MAP2K1: variants seen among roughly 807,000 people sequenced by gnomAD.
MAP2K1 encodes the protein mitogen-activated protein kinase kinase 1.
MAP2K1 carries 16 observed loss-of-function variants against 46.3 expected under a neutral mutation model. The ratio of observed to expected loss-of-function variants is 0.35; its 90% CI spans 0.23 to 0.52. MAP2K1 has a LOEUF of 0.52. Among genes scored for constraint, MAP2K1 ranks in the 20% least tolerant of loss-of-function variants. The pLI, the probability that MAP2K1 is intolerant of heterozygous loss-of-function variation, is 0.94. For synonymous variants in MAP2K1, 183 were observed against 185.6 expected (o/e 0.99, Z 0.11); for missense variants, 263 against 497.1 (o/e 0.53, Z 4.48).
At chr15:66,448,317 T>A (rs899354913) in intron 5 of MAP2K1, among the ~76,000 whole-genome samples, 31 of 152,322 alleles carry the variant, frequency 2.0e-4, no homozygotes, top group Non-Finnish European at 1.8e-4. Flanking sequence ...GTTAGAATAA[T>A]GTCTTCAAGG....
chr15:66,489,690 G>A lies in MAP2K1; in HGVS notation c.1023-28G>A, dbSNP rs773882362. On this transcript the variant is annotated intron_variant, in intron 9 of 10. Transcript: ENST00000307102. Reference sequence around the variant, plus strand: ...GAGCTAGAACCAGTGCCAGGCAACAGCTCTTACCTTGTCTTTCTTCCTTTA... The same window carrying A: ...GAGCTAGAACCAGTGCCAGGCAACAACTCTTACCTTGTCTTTCTTCCTTTA... The A allele has an allele frequency of 3.8e-6, 6 of 1,597,668 alleles. No individual in the cohort carries two copies. In the South Asian group the frequency reaches 5.5e-5, roughly 15 times the overall value.
rs57043037 is a variant in MAP2K1 at position 66,396,995 on chromosome 15, C to CTTTTT, written c.80+9591_80+9595dup. Among the ~76,000 whole-genome samples, 75 of 39,276 alleles carry CTTTTT rather than the reference C, an allele frequency of 1.9e-3. 6 individuals are homozygous for CTTTTT. The highest frequency in any genetic ancestry group is 7.2e-3 in the African/African-American group (72 of 9,996). The allele number at this position is 39,276 out of a possible 152,430, so 25.8% of individuals were successfully genotyped here. ...CTACCATGCCTGGCCTGTAACGCTT[C>CTTTTT]TTTTTTTTTTTTTTTTTTTTTTTTT... On this transcript the variant is annotated intron_variant, in intron 1 of 10. Transcript: ENST00000307102.
chr15:66,489,734 G>A lies in MAP2K1; in HGVS notation c.1039G>A (p.Ala347Thr), dbSNP rs746354996. The change falls in exon 10 of 11, where the codon GCA becomes ACA. Residue 347 changes from alanine to threonine, a missense_variant. Physicochemically the swap from Ala to Thr is moderately conservative, Grantham distance 58. Coordinates refer to ENST00000307102, the MANE Select transcript of MAP2K1 (RefSeq NM_002755.4). ...FVNKCLIKNP[A>T]ERADLKQLMV... ...TCCTTTAAGCTTAATAAAAAACCCC[G>A]CAGAGAGAGCAGATTTGAAGCAACT... is the stretch of plus-strand genomic sequence containing the variant. 24 of 1,613,688 alleles carry A rather than the reference G, an allele frequency of 1.5e-5. No homozygotes were observed. The highest frequency in any genetic ancestry group is 2.2e-5 in the East Asian group (1 of 44,906).
In MAP2K1 at chr15:66,435,536, C is replaced by G. The variant is rs185127007; in HGVS notation, c.291+299C>G. ...AGAGACAGGGTTTCTCCATGTTGGT[C>G]AAGCTGATCTCGAACTCCTGACCTC... On this transcript the variant is annotated intron_variant, in intron 2 of 10. Transcript: ENST00000307102. 7.7e-4 allele frequency among the ~76,000 whole-genome samples: 117 copies of G among 152,102 alleles called. No homozygotes were observed. In the Middle Eastern group the frequency reaches 0.02, roughly 27 times the overall value.
intron 1 of MAP2K1, among the ~76,000 whole-genome samples, chr15:66,402,995 C>G (rs2093386013): frequency 6.6e-6 from 1 of 151,940 alleles, no homozygotes; most frequent in Admixed American, 6.6e-5. Flanking sequence ...AAGCAGCTGC[C>G]CAGATTTATA....
chr15:66,469,255 CAAAAT>C (rs1892548251), intron 5 of MAP2K1, among the ~76,000 whole-genome samples: 1 of 152,118 alleles, frequency 6.6e-6, no homozygotes, highest in Non-Finnish European at 1.5e-5. Context: ...GACTCCGTCT[CAAAAT>C]AAAAGTTTTT....
At chr15:66,396,272 C>T (rs1314106383) in intron 1 of MAP2K1, among the ~76,000 whole-genome samples, 11 of 152,036 alleles carry the variant, frequency 7.2e-5, no homozygotes, top group Non-Finnish European at 1.2e-4. Flanking sequence ...TGTGAGTCAC[C>T]GTGCCCGGCC....
intron 1 of MAP2K1, among the ~76,000 whole-genome samples, chr15:66,417,147 C>T (rs1193482715): frequency 1.1e-4 from 16 of 152,178 alleles, no homozygotes; most frequent in Admixed American, 9.8e-4. Context: ...CAGAAGCAAG[C>T]ACTATCAGTT....
chr15:66,486,161 A>C (rs1264074230), intron 7 of MAP2K1, among the ~76,000 whole-genome samples: 1 of 152,212 alleles, frequency 6.6e-6, no homozygotes, highest in African/African-American at 2.4e-5. Context: ...TTGGCCTCCC[A>C]AAGTGGTGGG....
chr15:66,469,828 C>T (rs1184835914), intron 5 of MAP2K1, among the ~76,000 whole-genome samples: 4 of 149,164 alleles, frequency 2.7e-5, no homozygotes, highest in Non-Finnish European at 5.9e-5. Flanking sequence ...CAAATTGCTG[C>T]TGTTTCAGAA....
At chr15:66,403,734 G>T (rs2093388383) in intron 1 of MAP2K1, among the ~76,000 whole-genome samples, 1 of 152,114 alleles carries the variant, frequency 6.6e-6, no homozygotes, top group South Asian at 2.1e-4. Context: ...CCGAATCCAG[G>T]TTAATTATAT....
In MAP2K1 at chr15:66,420,721, A is replaced by ATGTGTG. The variant is rs1166822915; in HGVS notation, c.81-14272_81-14267dup. On this transcript the variant is annotated intron_variant, in intron 1 of 10. Transcript: ENST00000307102. The stretch of plus-strand genomic sequence containing the variant: ...TTACTCTTGGCATATATATATATAT[A>ATGTGTG]TGTGTGTGTGTGTGTGTGTGTGTGT... Among the ~76,000 whole-genome samples the ATGTGTG allele has an allele frequency of 2.0e-3, 59 of 29,682 alleles. 2 individuals are homozygous for ATGTGTG. Among genetic ancestry groups the ATGTGTG allele is most frequent in the African/African-American group, 6.4e-3 (54 of 8,498 alleles). The allele number at this position is 29,682 out of a possible 152,430, so 19.5% of individuals were successfully genotyped here.
chr15:66,457,404 G>A (rs995743930), intron 5 of MAP2K1, among the ~76,000 whole-genome samples: 1 of 152,174 alleles, frequency 6.6e-6, no homozygotes, highest in East Asian at 1.9e-4. Context: ...ACAGGCATGA[G>A]CCACTGTGCC....
At chr15:66,442,606 A>G (rs1159396048) in intron 3 of MAP2K1, among the ~76,000 whole-genome samples, 1 of 152,210 alleles carries the variant, frequency 6.6e-6, no homozygotes, top group Non-Finnish European at 1.5e-5. Flanking sequence ...CTGTCACACC[A>G]CAACAATCAA....
At chr15:66,445,806 G>A (rs1338368591) in intron 5 of MAP2K1, among the ~76,000 whole-genome samples, 1 of 151,976 alleles carries the variant, frequency 6.6e-6, no homozygotes, top group African/African-American at 2.4e-5. Context: ...TGGTTGCCTT[G>A]AGGGGTCTAG....
intron 5 of MAP2K1, among the ~76,000 whole-genome samples, chr15:66,448,912 G>C (rs1891952030): frequency 7.0e-6 from 1 of 143,358 alleles, no homozygotes; most frequent in Non-Finnish European, 1.5e-5. Flanking sequence ...GCTGAGGCAA[G>C]AGAATTGCTT....
chr15:66,416,796 AT>A (rs1179616871), intron 1 of MAP2K1, among the ~76,000 whole-genome samples: 1 of 152,162 alleles, frequency 6.6e-6, no homozygotes, highest in African/African-American at 2.4e-5. Context: ...GGTATATTAT[AT>A]TACAGCAATA....
chr15:66,466,673 G>A (rs1302922501), intron 5 of MAP2K1, among the ~76,000 whole-genome samples: 2 of 151,886 alleles, frequency 1.3e-5, no homozygotes, highest in Non-Finnish European at 2.9e-5. Context: ...GAGCGAGACT[G>A]CATCTCAAAA....
intron 1 of MAP2K1, among the ~76,000 whole-genome samples, chr15:66,412,126 T>C (rs919322829): frequency 1.3e-5 from 2 of 152,218 alleles, no homozygotes; most frequent in African/African-American, 4.8e-5. Flanking sequence ...TGAAATGAAA[T>C]AGGTGAACTG....
Sources: allele counts gnomAD v4.1 joint callset (sites outside exome capture counted in the v4.1 genomes callset), GRCh38; gene constraint gnomAD v4.1.1; transcripts MANE v1.5; gene names NCBI Gene and HGNC (gene_info 2026-07-23, HGNC 2026-07-21).